Variants in DCC observed in about 807,000 individuals in gnomAD.
DCC encodes netrin receptor DCC.
Under a neutral mutation model 172.5 loss-of-function variants are expected in DCC, and 58 were observed. The ratio of observed to expected loss-of-function variants is 0.34; its 90% CI spans 0.27 to 0.42. DCC has a LOEUF of 0.42. Ranked by LOEUF, DCC falls within the 10% of genes least tolerant of loss-of-function variation. The pLI is 1.00. For missense variants in DCC, 1,740 were observed against 1,791.0 expected (o/e 0.97, Z 0.51); for synonymous variants, 709 against 644.5 (o/e 1.10, Z -1.52).
intron 5 of DCC, among the ~76,000 whole-genome samples, chr18:52,982,430 T>A (rs1174165991): frequency 6.6e-6 from 1 of 152,162 alleles, no homozygotes; most frequent in Non-Finnish European, 1.5e-5. Context: ...CCAGGGAAGC[T>A]AAACACTGTA....
At chr18:52,776,382 T>C (rs1367815059) in intron 2 of DCC, among the ~76,000 whole-genome samples, 1 of 152,084 alleles carries the variant, frequency 6.6e-6, no homozygotes, top group Non-Finnish European at 1.5e-5. Context: ...TTAGATATTT[T>C]AGTAGAAATT....
chr18:52,550,295 C>T (rs1285534438), intron 1 of DCC, among the ~76,000 whole-genome samples: 1 of 151,684 alleles, frequency 6.6e-6, no homozygotes, highest in Middle Eastern at 3.2e-3. Flanking sequence ...CACAACGAGC[C>T]TAAGGAGACA....
intron 5 of DCC, among the ~76,000 whole-genome samples, chr18:52,953,991 T>A (rs1229108097): frequency 6.6e-6 from 1 of 152,238 alleles, no homozygotes; most frequent in African/African-American, 2.4e-5. Context: ...ATGTTTAAAT[T>A]ATATAGCAAA....
intron 5 of DCC, among the ~76,000 whole-genome samples, chr18:52,961,300 AAAAT>A (rs1299917550): frequency 6.6e-6 from 1 of 150,680 alleles, no homozygotes; most frequent in African/African-American, 2.5e-5. Context: ...ATAAAAATAT[AAAAT>A]AAAAATAAAA....
At chr18:53,312,933 A>AGGGAAAGGGAGGGGAGGGGAGGGAG (rs2057293976) in intron 13 of DCC, among the ~76,000 whole-genome samples, 1 of 48,634 alleles carries the variant, frequency 2.1e-5, no homozygotes, top group African/African-American at 5.7e-5. Flanking sequence ...AGGGGAGGGA[A>AGGGAAAGGGAGGGGAGGGGAGGGAG]GGGAAAGGGA....
At chr18:53,278,132 T>C (rs2056827929) in intron 12 of DCC, among the ~76,000 whole-genome samples, 1 of 152,084 alleles carries the variant, frequency 6.6e-6, no homozygotes, top group South Asian at 2.1e-4. Context: ...ACACAATAAC[T>C]AAACTAAAAT....
chr18:53,450,372 A>G, intron 22 of DCC, 128 bp from the exon 23 acceptor site: 1 of 931,816 alleles, frequency 1.1e-6, no homozygotes, highest in Non-Finnish European at 1.7e-6. Flanking sequence ...CTTCCCTCGA[A>G]CTCCCATCAC....
At chr18:52,532,685 C>A (rs2032184733) in intron 1 of DCC, among the ~76,000 whole-genome samples, 1 of 151,908 alleles carries the variant, frequency 6.6e-6, no homozygotes, top group South Asian at 2.1e-4. Flanking sequence ...CCATAGGGTA[C>A]AAGAGAGAAG....
At chr18:52,708,976 C>G (rs1295051343) in intron 1 of DCC, among the ~76,000 whole-genome samples, 1 of 152,148 alleles carries the variant, frequency 6.6e-6, no homozygotes, top group Non-Finnish European at 1.5e-5. Flanking sequence ...GTTAGGAAGT[C>G]AAGTACAGAA....
chr18:52,733,156 A>T (rs2036672558), intron 1 of DCC, among the ~76,000 whole-genome samples: 1 of 152,114 alleles, frequency 6.6e-6, no homozygotes, highest in Non-Finnish European at 1.5e-5. Flanking sequence ...GTTGTGAGTT[A>T]GTTACTGAAT....
intron 13 of DCC, among the ~76,000 whole-genome samples, chr18:53,316,981 A>G (rs546175560): frequency 8.5e-5 from 13 of 152,262 alleles, no homozygotes; most frequent in African/African-American, 2.6e-4. Context: ...TTCCAATACT[A>G]TTTTGAATAG....
intron 5 of DCC, among the ~76,000 whole-genome samples, chr18:52,979,639 C>T (rs756789912): frequency 2.6e-5 from 4 of 152,166 alleles, no homozygotes; most frequent in Non-Finnish European, 4.4e-5. Context: ...CAAATAACAA[C>T]CTTTTGCATA....
intron 5 of DCC, among the ~76,000 whole-genome samples, chr18:52,938,041 T>A (rs1362797572): frequency 6.6e-6 from 1 of 152,126 alleles, no homozygotes; most frequent in Non-Finnish European, 1.5e-5. Context: ...ACTTTATAAG[T>A]GGCATCATAA....
At chr18:53,439,426 G>A (rs146851587) in intron 22 of DCC, among the ~76,000 whole-genome samples, 121 of 152,184 alleles carry the variant, frequency 8.0e-4, no homozygotes, top group African/African-American at 2.7e-3. Flanking sequence ...AATTTCATAC[G>A]TCTCCCCTTA....
chr18:53,229,532 C>T (rs148705609), intron 12 of DCC, among the ~76,000 whole-genome samples: 115 of 152,146 alleles, frequency 7.6e-4, no homozygotes, highest in African/African-American at 2.7e-3. Context: ...GGTGAAAATA[C>T]ACATCTCCTC....
intron 5 of DCC, among the ~76,000 whole-genome samples, chr18:53,002,812 G>A (rs2041586499): frequency 1.3e-5 from 2 of 152,100 alleles, no homozygotes; most frequent in Non-Finnish European, 2.9e-5. Context: ...TCGAAATGAT[G>A]GAAAGATGGA....
At chr18:52,589,894 G>C (rs1144092) in intron 1 of DCC, among the ~76,000 whole-genome samples, 37,247 of 152,050 alleles carry the variant, frequency 0.24, 4,692 homozygotes, top group African/African-American at 0.3. Context: ...TTTGAGAAAG[G>C]CTTATAAGGA....
intron 2 of DCC, among the ~76,000 whole-genome samples, chr18:52,891,053 G>T (rs12454902): frequency 0.086 from 13,139 of 151,986 alleles, 943 homozygotes; most frequent in East Asian, 0.31. Context: ...TAATAAGAAG[G>T]CTCAATAAAT....
chr18:53,185,022 C>T (rs763488294), intron 9 of DCC, among the ~76,000 whole-genome samples: 19 of 152,180 alleles, frequency 1.2e-4, no homozygotes, highest in Non-Finnish European at 2.2e-4. Context: ...TGTCTGATCC[C>T]GTACATGGCC....
Sources: allele counts gnomAD v4.1 joint callset (sites outside exome capture counted in the v4.1 genomes callset), GRCh38; gene constraint gnomAD v4.1.1; transcripts MANE v1.5; gene names NCBI Gene and HGNC (gene_info 2026-07-23, HGNC 2026-07-21).